POT1: variants seen among roughly 807,000 people sequenced by gnomAD.
The protein encoded by POT1 is protection of telomeres 1, also known as protection of telomeres protein 1.
POT1 carries 47 observed loss-of-function variants against 78.5 expected under a neutral mutation model. The ratio of observed to expected loss-of-function variants is 0.60; its 90% CI spans 0.47 to 0.76. The LOEUF is 0.76. Among genes scored for constraint, POT1 ranks in the 30% least tolerant of loss-of-function variants. POT1 has a pLI of 0.00. For missense variants in POT1, 646 were observed against 749.9 expected, an observed-to-expected ratio of 0.86 and a Z score of 1.62; for synonymous variants, 259 against 260.7, an observed-to-expected ratio of 0.99 and a Z score of 0.06.
chr7:124,874,699 C>A (rs1324210297), intron 6 of POT1, among the ~76,000 whole-genome samples: 2 of 149,936 alleles, frequency 1.3e-5, no homozygotes, highest in Admixed American at 1.3e-4. Flanking sequence ...CATGCCACTG[C>A]ACTCCAGTCT....
chr7:124,879,001 A>G (rs1255966780), intron 6 of POT1, among the ~76,000 whole-genome samples: 1 of 152,148 alleles, frequency 6.6e-6, no homozygotes, highest in African/African-American at 2.4e-5. Flanking sequence ...AAGAGAATCA[A>G]TAAGAAAAAA....
At chr7:124,863,209 A>T in intron 8 of POT1, 141 bp downstream of exon 8, 1 of 748,350 alleles carries the variant, frequency 1.3e-6, no homozygotes, top group Non-Finnish European at 2.1e-6. Flanking sequence ...ATGAATATTG[A>T]GGCTCGTCAA....
intron 6 of POT1, among the ~76,000 whole-genome samples, chr7:124,875,402 C>A (rs1690871033): frequency 6.6e-6 from 1 of 152,114 alleles, no homozygotes; most frequent in East Asian, 1.9e-4. Context: ...TAAATAATCA[C>A]TATTATATCA....
At chr7:124,861,601 CTTTGTCAATTTTGGCT>C (rs1274794919) in intron 8 of POT1, among the ~76,000 whole-genome samples, 20 of 151,962 alleles carry the variant, frequency 1.3e-4, no homozygotes, top group African/African-American at 4.1e-4. Context: ...AGCTCTTTAA[CTTTGTCAATTTTGGCT>C]TTTGTCAATT....
At chr7:124,869,397 T>C (rs10272583) in intron 7 of POT1, among the ~76,000 whole-genome samples, 91,254 of 151,814 alleles carry the variant, frequency 0.6, 27,560 homozygotes, top group African/African-American at 0.65. Context: ...ATATTGTGAA[T>C]GATGAGATGT....
At chr7:124,851,071 C>T (rs1374804599) in intron 11 of POT1, among the ~76,000 whole-genome samples, 3 of 151,762 alleles carry the variant, frequency 2.0e-5, no homozygotes, top group Admixed American at 6.6e-5. Flanking sequence ...ACCAGGAGGT[C>T]GAGACCAGTC....
chr7:124,872,966 C>A (rs4501522), intron 6 of POT1, among the ~76,000 whole-genome samples: 2 of 151,928 alleles, frequency 1.3e-5, no homozygotes, highest in Admixed American at 1.3e-4. Flanking sequence ...ACCTGTCTGC[C>A]ATTTGTATGT....
At chr7:124,912,758 A>G (rs1457613581) in intron 3 of POT1, among the ~76,000 whole-genome samples, 5 of 152,134 alleles carry the variant, frequency 3.3e-5, no homozygotes, top group Admixed American at 6.6e-5. Flanking sequence ...CAGGAAGCAC[A>G]GATGTATTCA....
intron 6 of POT1, among the ~76,000 whole-genome samples, chr7:124,891,032 A>C (rs1311272048): frequency 6.6e-6 from 1 of 151,748 alleles, no homozygotes; most frequent in East Asian, 1.9e-4. Flanking sequence ...TGTTAGGTCC[A>C]TTTGGTCTAC....
chr7:124,903,399 T>G (rs1187903891), intron 3 of POT1, among the ~76,000 whole-genome samples: 4 of 152,296 alleles, frequency 2.6e-5, no homozygotes, highest in East Asian at 1.9e-4. Flanking sequence ...ACATGGAAAC[T>G]GAACAACCTG....
chr7:124,901,524 G>A (rs1214036517), intron 3 of POT1, among the ~76,000 whole-genome samples: 2 of 151,984 alleles, frequency 1.3e-5, no homozygotes, highest in African/African-American at 2.4e-5. Context: ...CCATCTGTAG[G>A]TCACCATCAT....
rs1029639250 is a variant in POT1, at chr7:124,823,703, G to T, written c.*259C>A. The T allele has an allele frequency of 6.2e-5, 24 of 388,014 alleles. No individual in the cohort carries two copies. The highest frequency in any genetic ancestry group is 3.0e-4 in the African/African-American group (14 of 46,908). The allele number at this position is 388,014 out of a possible 1,614,324, so 24.0% of individuals were successfully genotyped here. The stretch of plus-strand genomic sequence containing the variant: ...TTCTACTTAAAGTACACTGTAGCTT[G>T]ATCAGACACTTATCTCAGCAGTACT... On this transcript the variant is annotated 3_prime_UTR_variant, in exon 19 of 19. Coordinates refer to ENST00000357628, the MANE Select transcript of POT1 (RefSeq NM_015450.3).
At chr7:124,835,957 G>A (rs547321051) in intron 14 of POT1, among the ~76,000 whole-genome samples, 126 of 152,266 alleles carry the variant, frequency 8.3e-4, no homozygotes, top group African/African-American at 3.0e-3. Flanking sequence ...TGGCTGAGAA[G>A]TATTGTCCAA....
At chr7:124,860,043 G>A (rs758012388) in intron 8 of POT1, among the ~76,000 whole-genome samples, 1 of 151,780 alleles carries the variant, frequency 6.6e-6, no homozygotes, top group South Asian at 2.1e-4. Context: ...ATACTATTTT[G>A]TATGTAACCA....
At chr7:124,920,928 T>TA (rs869223608) in intron 2 of POT1, among the ~76,000 whole-genome samples, 18 of 150,668 alleles carry the variant, frequency 1.2e-4, no homozygotes, top group East Asian at 2.0e-4. Flanking sequence ...CCTGCCACTA[T>TA]AAAAAAAAAA....
chr7:124,923,601 A>C (rs1797203088), intron 2 of POT1, among the ~76,000 whole-genome samples: 1 of 151,856 alleles, frequency 6.6e-6, no homozygotes. Flanking sequence ...AGTTAAAAAA[A>C]CCTATTTAAG....
intron 12 of POT1, chr7:124,843,185 C>T (rs1479952106): frequency 3.1e-6 from 1 of 324,432 alleles, no homozygotes; most frequent in South Asian, 1.5e-4. Context: ...TAAATAAACG[C>T]TGGATAATTT....
At chr7:124,903,155 C>T (rs10249722) in intron 3 of POT1, among the ~76,000 whole-genome samples, 43,258 of 151,998 alleles carry the variant, frequency 0.28, 6,313 homozygotes, top group African/African-American at 0.32. Flanking sequence ...GACTTGAACT[C>T]GGCTCTGCAC....
intron 3 of POT1, among the ~76,000 whole-genome samples, chr7:124,906,433 G>C (rs1386250930): frequency 6.8e-6 from 1 of 148,098 alleles, no homozygotes; most frequent in African/African-American, 2.5e-5. Flanking sequence ...GGTGGGAACT[G>C]AACAATGAGA....
Sources: allele counts gnomAD v4.1 joint callset (sites outside exome capture counted in the v4.1 genomes callset), GRCh38; gene constraint gnomAD v4.1.1; transcripts MANE v1.5; gene names NCBI Gene and HGNC (gene_info 2026-07-23, HGNC 2026-07-21).